The following MYO16 variants were observed in gnomAD, a reference collection of about 807,000 sequenced individuals.
MYO16 encodes unconventional myosin-XVI.
MYO16 carries 94 observed loss-of-function variants against 205.3 expected under a neutral mutation model. The observed-to-expected ratio is 0.46, with a 90% confidence interval of 0.39 to 0.54. MYO16 has a LOEUF of 0.54. MYO16 is among the 20% of genes least tolerant of loss of function. MYO16 has a pLI of 0.00. For synonymous variants in MYO16, 988 were observed against 954.0 expected (o/e 1.04, Z -0.66); for missense variants, 2,315 against 2,387.5 (o/e 0.97, Z 0.63).
chr13:108,589,719 A>T, the MYO16 span, among the ~76,000 whole-genome samples: 1 of 152,014 alleles, frequency 6.6e-6, no homozygotes, highest in East Asian at 1.9e-4. Flanking sequence ...TCTCTCTCTC[A>T]AGCAAGTAGT....
chr13:108,661,890 C>A (rs548596788), intron 1 of MYO16, among the ~76,000 whole-genome samples: 5 of 152,180 alleles, frequency 3.3e-5, no homozygotes, highest in Non-Finnish European at 7.4e-5. Context: ...GGTTGGTTTT[C>A]TGGTTCCTTC....
At chr13:108,503,540 A>G in the MYO16 span, among the ~76,000 whole-genome samples, 15 of 152,150 alleles carry the variant, frequency 9.9e-5, no homozygotes, top group Non-Finnish European at 1.6e-4. Flanking sequence ...TTTGAAGATC[A>G]TTCAAGTGAG....
intron 27 of MYO16, among the ~76,000 whole-genome samples, chr13:109,083,929 G>T (rs1033523186): frequency 6.6e-6 from 1 of 152,136 alleles, no homozygotes. Flanking sequence ...ATCTGTGGTC[G>T]TATGCAGTAT....
the MYO16 span, among the ~76,000 whole-genome samples, chr13:108,527,193 A>G: frequency 2.6e-5 from 4 of 152,158 alleles, no homozygotes; most frequent in Admixed American, 6.5e-5. Flanking sequence ...AATCATAAAC[A>G]CAGTCCCTGG....
chr13:108,874,444 G>C (rs573832849), intron 12 of MYO16, among the ~76,000 whole-genome samples: 1 of 152,218 alleles, frequency 6.6e-6, no homozygotes, highest in East Asian at 1.9e-4. Context: ...CTTATTACAT[G>C]GCAGAACTGC....
intron 22 of MYO16, 112 bp from the exon 23 acceptor site, chr13:109,019,599 C>T: frequency 1.3e-6 from 1 of 773,174 alleles, no homozygotes; most frequent in Non-Finnish European, 2.1e-6. Context: ...GATTCATTTT[C>T]TGAGTGTCTA....
chr13:109,155,094 A>C (rs1410234433), intron 32 of MYO16, among the ~76,000 whole-genome samples: 3 of 152,122 alleles, frequency 2.0e-5, no homozygotes, highest in Non-Finnish European at 4.4e-5. Flanking sequence ...TGAAAACCTT[A>C]TTTATACTGA....
At chr13:108,646,109 G>A (rs1880744253) in intron 1 of MYO16, among the ~76,000 whole-genome samples, 1 of 152,210 alleles carries the variant, frequency 6.6e-6, no homozygotes, top group Admixed American at 6.5e-5. Flanking sequence ...GTGATCACAT[G>A]TCTGCATGAG....
intron 4 of MYO16, among the ~76,000 whole-genome samples, chr13:108,768,248 T>C (rs1885847387): frequency 6.6e-6 from 1 of 152,194 alleles, no homozygotes. Flanking sequence ...ATTACTCAGC[T>C]CTTGGAGTTT....
intron 4 of MYO16, among the ~76,000 whole-genome samples, chr13:108,746,821 G>A (rs1034545821): frequency 5.3e-5 from 8 of 151,774 alleles, no homozygotes; most frequent in African/African-American, 1.9e-4. Context: ...AAAAACAAAC[G>A]ATGAAAACCC....
intron 33 of MYO16, among the ~76,000 whole-genome samples, chr13:109,169,171 G>C (rs551478781): frequency 1.3e-5 from 2 of 152,236 alleles, no homozygotes; most frequent in South Asian, 2.1e-4. Flanking sequence ...ATGGCCTCCA[G>C]TTCCATCCAT....
intron 4 of MYO16, among the ~76,000 whole-genome samples, chr13:108,758,260 A>G (rs531639924): frequency 5.3e-5 from 8 of 152,316 alleles, no homozygotes; most frequent in South Asian, 4.1e-4. Context: ...AAACTAAAAC[A>G]CTTGACTATT....
At position 109,055,246 on chromosome 13, in the gene MYO16, TACACACACACACACACAC is replaced by T; in HGVS notation, c.3129+132_3130-115del. 2 of 658,688 alleles carry T rather than the reference TACACACACACACACACAC, an allele frequency of 3.0e-6. No individual in the cohort carries two copies. Among genetic ancestry groups the T allele is most frequent in the African/African-American group, 1.9e-5 (1 of 53,920 alleles). 40.8% of individuals were successfully genotyped at this position (658,688 alleles called of 1,614,324 possible). A position where few individuals can be genotyped will look rare whatever the true frequency, so the allele number is the denominator to read the frequency against. ...AATATCTTCACAAAAAAAGTAAACA[TACACACACACACACACAC>T]ACACACACACAGAGTAAATGCATAA... is the stretch of plus-strand genomic sequence containing the variant. On this transcript the variant is annotated intron_variant, in intron 26 of 34. Coordinates refer to ENST00000457511, the MANE Select transcript of MYO16 (RefSeq NM_001198950.3). The surrounding 1 kb of genome is among the most constrained non-coding windows in gnomAD (Gnocchi z 5.0).
chr13:108,654,230 A>G (rs1409224422), intron 1 of MYO16, among the ~76,000 whole-genome samples: 2 of 152,072 alleles, frequency 1.3e-5, no homozygotes, highest in African/African-American at 4.8e-5. Flanking sequence ...CCCAGTTCTC[A>G]TCTTGAATTG....
chr13:108,521,144 C>A, the MYO16 span, among the ~76,000 whole-genome samples: 10 of 152,192 alleles, frequency 6.6e-5, no homozygotes, highest in African/African-American at 2.2e-4. Flanking sequence ...TATTCTCCAA[C>A]CTTCTACAGT....
chr13:108,669,766 C>A (rs1019353074), intron 2 of MYO16, among the ~76,000 whole-genome samples: 13 of 152,084 alleles, frequency 8.5e-5, no homozygotes, highest in African/African-American at 2.9e-4. Context: ...AGTTCATGTC[C>A]TTTGCAGGGA....
intron 22 of MYO16, among the ~76,000 whole-genome samples, chr13:109,013,009 C>T (rs1024243987): frequency 6.6e-6 from 1 of 150,936 alleles, no homozygotes; most frequent in East Asian, 1.9e-4. Context: ...TACATGTGCA[C>T]AACATGCAGG....
chr13:109,188,696 A>C (rs1435828341), intron 34 of MYO16, among the ~76,000 whole-genome samples: 7 of 152,216 alleles, frequency 4.6e-5, no homozygotes, highest in Non-Finnish European at 8.8e-5. Flanking sequence ...GGAAGCCAAC[A>C]GTGCAGTCTT....
chr13:109,043,148 A>G (rs376626554), intron 23 of MYO16, among the ~76,000 whole-genome samples: 1 of 152,228 alleles, frequency 6.6e-6, no homozygotes, highest in Non-Finnish European at 1.5e-5. Flanking sequence ...GTTATGCTGT[A>G]TTTAGTTACA....
Sources: allele counts gnomAD v4.1 joint callset (sites outside exome capture counted in the v4.1 genomes callset), GRCh38; gene constraint gnomAD v4.1.1; non-coding constraint Gnocchi (gnomAD v3.1); transcripts MANE v1.5; gene names NCBI Gene and HGNC (gene_info 2026-07-23, HGNC 2026-07-21).